Variants in DLGAP1 observed in about 807,000 individuals in gnomAD.
DLGAP1 encodes DLG associated protein 1.
Under a neutral mutation model 90.8 loss-of-function variants are expected in DLGAP1, and 11 were observed. That is an observed-to-expected ratio of 0.12 (90% CI 0.08 to 0.20). The LOEUF is 0.20. DLGAP1 is among the 10% of genes least tolerant of loss of function. The pLI is 1.00. For synonymous variants in DLGAP1, 558 were observed against 540.7 expected (o/e 1.03, Z -0.44); for missense variants, 1,050 against 1,333.8 (o/e 0.79, Z 3.31).
chr18:3,937,720 G>T (rs1488652314), intron 3 of DLGAP1, among the ~76,000 whole-genome samples: 1 of 152,154 alleles, frequency 6.6e-6, no homozygotes, highest in Non-Finnish European at 1.5e-5. Context: ...AGCTTATGCT[G>T]TTTCCTTATA....
At chr18:4,136,512 A>G (rs550758122) in intron 2 of DLGAP1, among the ~76,000 whole-genome samples, 3 of 152,312 alleles carry the variant, frequency 2.0e-5, no homozygotes, top group South Asian at 2.1e-4. Flanking sequence ...ACCTTCTCAT[A>G]TATCTGTTTG....
At chr18:3,861,762 C>A (rs1028844546) in intron 4 of DLGAP1, among the ~76,000 whole-genome samples, 3 of 152,230 alleles carry the variant, frequency 2.0e-5, no homozygotes, top group African/African-American at 4.8e-5. Flanking sequence ...CTAGTGACAA[C>A]CCTGCTGATG....
chr18:4,218,158 C>T (rs1489375674), intron 1 of DLGAP1, among the ~76,000 whole-genome samples: 1 of 146,378 alleles, frequency 6.8e-6, no homozygotes, highest in Non-Finnish European at 1.5e-5. Context: ...AAAAGTCTGT[C>T]CTTTCTTCAC....
At chr18:4,163,322 T>C (rs1051185475) in intron 1 of DLGAP1, among the ~76,000 whole-genome samples, 4 of 152,206 alleles carry the variant, frequency 2.6e-5, no homozygotes, top group African/African-American at 9.7e-5. Context: ...AAATGGTAAC[T>C]GTGGGAGAAA....
intron 1 of DLGAP1, among the ~76,000 whole-genome samples, chr18:4,192,234 A>C (rs2077415500): frequency 6.6e-6 from 1 of 152,078 alleles, no homozygotes; most frequent in Non-Finnish European, 1.5e-5. Context: ...AAAAACACAA[A>C]ACCATTGTCT....
At chr18:4,412,516 C>T (rs765986737) in intron 1 of DLGAP1, among the ~76,000 whole-genome samples, 7 of 152,208 alleles carry the variant, frequency 4.6e-5, no homozygotes, top group Non-Finnish European at 8.8e-5. Flanking sequence ...ACTGAAGGAG[C>T]TGTGGCACCT....
At chr18:4,030,729 T>C (rs539062385) in intron 2 of DLGAP1, among the ~76,000 whole-genome samples, 3 of 152,282 alleles carry the variant, frequency 2.0e-5, no homozygotes, top group African/African-American at 7.2e-5. Context: ...GAGACCAGCC[T>C]GGGCAACATG....
At chr18:4,164,612 G>A (rs978632911) in intron 1 of DLGAP1, among the ~76,000 whole-genome samples, 7 of 152,012 alleles carry the variant, frequency 4.6e-5, no homozygotes, top group East Asian at 3.9e-4. Context: ...CCTGGGAGGC[G>A]AAGGTTGCAG....
intron 9 of DLGAP1, among the ~76,000 whole-genome samples, chr18:3,541,085 A>C (rs2052666671): frequency 6.6e-6 from 1 of 152,212 alleles, no homozygotes; most frequent in Admixed American, 6.5e-5. Flanking sequence ...CTCCTTGGCT[A>C]CTGACCCGAG....
intron 7 of DLGAP1, among the ~76,000 whole-genome samples, chr18:3,718,583 G>A (rs2061843321): frequency 6.6e-6 from 1 of 152,108 alleles, no homozygotes; most frequent in Non-Finnish European, 1.5e-5. Context: ...GGCCATTTGT[G>A]TCACTGGAAT....
intron 7 of DLGAP1, among the ~76,000 whole-genome samples, chr18:3,671,720 T>C (rs1473967114): frequency 6.6e-6 from 1 of 152,270 alleles, no homozygotes; most frequent in East Asian, 1.9e-4. Flanking sequence ...GGGAGTATGA[T>C]CTTTAAGAGA....
intron 7 of DLGAP1, chr18:3,654,643 C>T (rs986784950): frequency 6.6e-6 from 1 of 152,166 alleles, no homozygotes; most frequent in African/African-American, 2.4e-5. Context: ...GGAGTTTCTG[C>T]AGCCAAGGTC....
At chr18:4,256,908 A>G (rs2078899036) in intron 1 of DLGAP1, among the ~76,000 whole-genome samples, 1 of 152,144 alleles carries the variant, frequency 6.6e-6, no homozygotes, top group Admixed American at 6.6e-5. Context: ...GAGGAGAAGG[A>G]CCATAACTGC....
chr18:3,708,913 G>A (rs1166793913), intron 7 of DLGAP1, among the ~76,000 whole-genome samples: 2 of 152,128 alleles, frequency 1.3e-5, no homozygotes, highest in South Asian at 2.1e-4. Context: ...ATTTTTCAGG[G>A]AAATCTCTGT....
rs139187115 is a variant in DLGAP1 at position 4,212,152 on chromosome 18, G to A, written c.-266-60865C>T. ...ACATTACTTAACTCTGTGACAGGAA[G>A]GAAGGCAGGCAGGTTGTTGCCCAAT... On this transcript the variant is annotated intron_variant, in intron 1 of 12. Transcript: ENST00000315677. 5.2e-4 allele frequency among the ~76,000 whole-genome samples: 79 copies of A among 152,218 alleles called. 1 individual carries two copies. The East Asian group carries it at 0.015, about 28-fold the overall frequency.
chr18:4,348,413 T>TGC (rs1447883501), intron 1 of DLGAP1, among the ~76,000 whole-genome samples: 1 of 150,658 alleles, frequency 6.6e-6, no homozygotes, highest in Non-Finnish European at 1.5e-5. Flanking sequence ...TGTGTGTGTG[T>TGC]GTGTGTGTGT....
intron 1 of DLGAP1, among the ~76,000 whole-genome samples, chr18:4,283,019 G>A (rs543346): frequency 0.68 from 103,806 of 152,052 alleles, 37,065 homozygotes; most frequent in East Asian, 0.82. Context: ...ACATTATGCC[G>A]TATGAAAAAT....
chr18:3,591,969 C>G (rs1270560622), intron 7 of DLGAP1, among the ~76,000 whole-genome samples: 2 of 152,150 alleles, frequency 1.3e-5, no homozygotes, highest in African/African-American at 4.8e-5. Context: ...ACCAGCACAT[C>G]TTTTGGCTGG....
chr18:3,624,537 T>C (rs1599598293), intron 7 of DLGAP1, among the ~76,000 whole-genome samples: 1 of 152,188 alleles, frequency 6.6e-6, no homozygotes, highest in East Asian at 1.9e-4. Flanking sequence ...TTCTGCCGCG[T>C]CATTTTCTCT....
Sources: allele counts gnomAD v4.1 joint callset (sites outside exome capture counted in the v4.1 genomes callset), GRCh38; gene constraint gnomAD v4.1.1; transcripts MANE v1.5; gene names NCBI Gene and HGNC (gene_info 2026-07-23, HGNC 2026-07-21).